Variants in ITGBL1 observed in about 807,000 individuals in gnomAD.
ITGBL1 encodes integrin beta-like protein 1.
A neutral mutation model predicts 68.5 loss-of-function variants in ITGBL1; 51 were observed. The observed-to-expected ratio is 0.74, with a 90% confidence interval of 0.59 to 0.94. The LOEUF is 0.94. ITGBL1 is among the 40% of genes least tolerant of loss of function. The pLI, the probability that ITGBL1 is intolerant of heterozygous loss-of-function variation, is 0.00. For synonymous variants in ITGBL1, 209 were observed against 227.3 expected (o/e 0.92, Z 0.72); for missense variants, 649 against 647.4 (o/e 1.00, Z -0.03).
At chr13:101,579,262 T>C in intron 4 of ITGBL1, 25 bp from the exon 5 acceptor site, 1 of 1,603,560 alleles carries the variant, frequency 6.2e-7, no homozygotes, top group African/African-American at 1.3e-5. Context: ...TTTTCCTCAC[T>C]GTATAAAATT....
intron 7 of ITGBL1, among the ~76,000 whole-genome samples, chr13:101,616,655 TA>T: frequency 6.6e-6 from 1 of 152,278 alleles, no homozygotes; most frequent in African/African-American, 2.4e-5. Flanking sequence ...CATGCCCGGC[TA>T]ATTTTTGTAT....
chr13:101,697,952 G>A (rs1040243101), intron 8 of ITGBL1, among the ~76,000 whole-genome samples: 7 of 152,120 alleles, frequency 4.6e-5, no homozygotes, highest in Non-Finnish European at 1.0e-4. Context: ...TCTGTACCTC[G>A]GGGAGGAAAT....
At chr13:101,591,901 C>T (rs928326079) in intron 6 of ITGBL1, among the ~76,000 whole-genome samples, 3 of 152,116 alleles carry the variant, frequency 2.0e-5, no homozygotes, top group Admixed American at 2.0e-4. Context: ...ACTGTGCTTT[C>T]CTCTACTTGC....
intron 7 of ITGBL1, among the ~76,000 whole-genome samples, chr13:101,611,537 T>C (rs913090361): frequency 6.6e-6 from 1 of 152,198 alleles, no homozygotes; most frequent in African/African-American, 2.4e-5. Flanking sequence ...ATTGGGTATG[T>C]ATATAGATGC....
Position 101,714,353 on chromosome 13 carries a change from G to C in ITGBL1, c.1280-85G>C, listed in dbSNP as rs141473053. 1.7e-3 allele frequency: 1,369 copies of C among 819,464 alleles called. 10 individuals carry two copies. Among genetic ancestry groups the C allele is most frequent in the Middle Eastern group, 0.01 (42 of 4,160 alleles). 50.8% of individuals were successfully genotyped at this position (819,464 alleles called of 1,614,324 possible). ...TTGGATGATGGGTTATTAGAAGCCT[G>C]TTGTCAGTGTGTCAACGATATTCTA... is the stretch of plus-strand genomic sequence containing the variant. On this transcript the variant is annotated intron_variant, in intron 9 of 10. Coordinates refer to ENST00000376180, the MANE Select transcript of ITGBL1 (RefSeq NM_004791.3).
intron 4 of ITGBL1, among the ~76,000 whole-genome samples, 165 bp downstream of exon 4, chr13:101,575,711 T>G (rs1259435198): frequency 1.3e-5 from 2 of 152,192 alleles, no homozygotes; most frequent in East Asian, 3.9e-4. Context: ...ACTATGGCAT[T>G]AAGAGTAGAC....
At chr13:101,719,660 T>C (rs2034856292), downstream of ITGBL1, 2 of 152,052 alleles carry the variant, frequency 1.3e-5, no homozygotes, top group African/African-American at 4.8e-5. Context: ...TCAGCTACTA[T>C]AACAAATCAG....
chr13:101,650,723 A>G (rs993828399), intron 7 of ITGBL1, among the ~76,000 whole-genome samples: 6 of 151,276 alleles, frequency 4.0e-5, no homozygotes, highest in African/African-American at 1.2e-4. Flanking sequence ...TGCTGTACAG[A>G]TCCGCCCATC....
intron 7 of ITGBL1, among the ~76,000 whole-genome samples, chr13:101,667,129 A>C (rs891871976): frequency 6.6e-6 from 1 of 152,210 alleles, no homozygotes; most frequent in East Asian, 1.9e-4. Context: ...TTCAAAATTT[A>C]TGGTCCATTC....
intron 2 of ITGBL1, among the ~76,000 whole-genome samples, chr13:101,480,541 C>T (rs934146082): frequency 2.0e-5 from 3 of 151,576 alleles, no homozygotes; most frequent in Non-Finnish European, 4.4e-5. Flanking sequence ...GTTTGTAACA[C>T]AAATAAATGA....
intron 2 of ITGBL1, among the ~76,000 whole-genome samples, chr13:101,490,733 A>T (rs2048764197): frequency 6.6e-6 from 1 of 152,242 alleles, no homozygotes; most frequent in African/African-American, 2.4e-5. Context: ...AACCTAACAC[A>T]TGTAGGCAAA....
chr13:101,602,845 C>CT (rs1032671251), intron 7 of ITGBL1, among the ~76,000 whole-genome samples: 13 of 152,114 alleles, frequency 8.5e-5, no homozygotes, highest in African/African-American at 3.1e-4. Flanking sequence ...TCGCATCTGG[C>CT]TTTTTTCACT....
At chr13:101,609,587 G>T (rs1053174174) in intron 7 of ITGBL1, among the ~76,000 whole-genome samples, 2 of 152,038 alleles carry the variant, frequency 1.3e-5, no homozygotes, top group Admixed American at 1.3e-4. Context: ...CTTTGCAGTA[G>T]GTATTTATGT....
chr13:101,481,041 CAT>C (rs1433278433), intron 2 of ITGBL1, among the ~76,000 whole-genome samples: 1 of 145,770 alleles, frequency 6.9e-6, no homozygotes, highest in Admixed American at 6.9e-5. Flanking sequence ...TGTGTGTACT[CAT>C]ATATGTGTAA....
At chr13:101,532,914 C>A (rs2049508580) in intron 2 of ITGBL1, among the ~76,000 whole-genome samples, 1 of 152,086 alleles carries the variant, frequency 6.6e-6, no homozygotes, top group African/African-American at 2.4e-5. Flanking sequence ...AAATAAAGAA[C>A]TACTGTTGGA....
chr13:101,680,902 T>A (rs1365567584), intron 7 of ITGBL1, among the ~76,000 whole-genome samples: 1 of 152,158 alleles, frequency 6.6e-6, no homozygotes, highest in Non-Finnish European at 1.5e-5. Context: ...CAAAGTGTAT[T>A]TCCCTTTTAG....
intron 7 of ITGBL1, among the ~76,000 whole-genome samples, chr13:101,600,636 T>C (rs1316976105): frequency 3.9e-5 from 6 of 152,186 alleles, no homozygotes; most frequent in Non-Finnish European, 5.9e-5. Context: ...TATTGAGAGT[T>C]TTTAGCATGA....
intron 2 of ITGBL1, among the ~76,000 whole-genome samples, chr13:101,565,163 A>C (rs531250243): frequency 6.6e-6 from 1 of 152,214 alleles, no homozygotes; most frequent in South Asian, 2.1e-4. Flanking sequence ...CTAACACATA[A>C]CAAATAAATT....
rs1331184425 is a variant in ITGBL1, at chr13:101,627,091, T to TG, written c.1015+28793dup. On this transcript the variant is annotated intron_variant, in intron 7 of 10. Transcript: ENST00000376180. ...CGAGAATTAAATAAGGATTGAAACT[T>TG]GCGGTTTTCTGTTTCACTCATTTCT... is the stretch of plus-strand genomic sequence containing the variant. Among the ~76,000 whole-genome samples, 5 of 152,296 alleles carry TG rather than the reference T, an allele frequency of 3.3e-5. No individual in the cohort carries two copies. In the South Asian group the frequency reaches 1.0e-3, roughly 32 times the overall value.
Sources: allele counts gnomAD v4.1 joint callset (sites outside exome capture counted in the v4.1 genomes callset), GRCh38; gene constraint gnomAD v4.1.1; transcripts MANE v1.5; gene names NCBI Gene and HGNC (gene_info 2026-07-23, HGNC 2026-07-21).